The following VSIG1 variants were observed in gnomAD, a reference collection of about 807,000 sequenced individuals.
VSIG1 encodes the protein V-set and immunoglobulin domain-containing protein 1.
A neutral mutation model predicts 20.1 loss-of-function variants in VSIG1; 11 were observed. That is an observed-to-expected ratio of 0.55 (90% CI 0.34 to 0.91). VSIG1 has a LOEUF of 0.91. Ranked by LOEUF, VSIG1 falls within the 40% of genes least tolerant of loss-of-function variation. The probability of loss-of-function intolerance (pLI) is 0.02; values close to 1 mark genes in which losing one functional copy is unlikely to be tolerated. For synonymous variants in VSIG1, 126 were observed against 116.7 expected (o/e 1.08, Z -0.52); for missense variants, 283 against 298.8 (o/e 0.95, Z 0.39).
At chrX:108,046,374 A>G (rs2030578368) in intron 1 of VSIG1, among the ~76,000 whole-genome samples, 1 of 111,317 alleles carries the variant, frequency 9.0e-6, no homozygotes, top group South Asian at 3.8e-4. Context: ...AGGCATATTC[A>G]TTTAAATGTA....
At chrX:108,052,929 C>T (rs2030815915) in intron 1 of VSIG1, among the ~76,000 whole-genome samples, 1 of 109,083 alleles carries the variant, frequency 9.2e-6, no homozygotes, top group Admixed American at 9.7e-5. Context: ...GCTTGTTTGT[C>T]CCCTCCCCCC....
upstream of VSIG1, among the ~76,000 whole-genome samples, chrX:108,044,785 C>T (rs1213613139): frequency 4.5e-5 from 5 of 111,887 alleles, no homozygotes; most frequent in Non-Finnish European, 9.4e-5. Flanking sequence ...CTCTTCCAAC[C>T]ATATCCCCCA....
At chrX:108,058,733 A>C (rs1483561695) in intron 2 of VSIG1, among the ~76,000 whole-genome samples, 1 of 111,648 alleles carries the variant, frequency 9.0e-6, no homozygotes, top group Non-Finnish European at 1.9e-5. Flanking sequence ...CAAGAACAGC[A>C]TGAGGATAGA....
chrX:108,030,402 T>C, the VSIG1 span, among the ~76,000 whole-genome samples: 22 of 112,033 alleles, frequency 2.0e-4, no homozygotes, highest in African/African-American at 5.2e-4. Context: ...ACAGGACTTA[T>C]CTGACCCAAT....
At chrX:108,058,452 A>G (rs762269565) in intron 2 of VSIG1, among the ~76,000 whole-genome samples, 1 of 111,670 alleles carries the variant, frequency 9.0e-6, no homozygotes, top group Non-Finnish European at 1.9e-5. Context: ...TGGATCATGT[A>G]TTTTAGAGAA....
At chrX:108,071,955 T>TA (rs2147934051) in intron 3 of VSIG1, among the ~76,000 whole-genome samples, 1 of 109,620 alleles carries the variant, frequency 9.1e-6, no homozygotes, top group East Asian at 2.9e-4. Context: ...TTAAATATTT[T>TA]AAAAAGAATA....
At chrX:108,019,811 A>G in the VSIG1 span, among the ~76,000 whole-genome samples, 1 of 111,608 alleles carries the variant, frequency 9.0e-6, no homozygotes, top group East Asian at 2.8e-4. Context: ...CAATGCCTTC[A>G]CACAGTTTCC....
chrX:108,074,816 C>A (rs144256903), intron 5 of VSIG1, among the ~76,000 whole-genome samples: 1,216 of 111,287 alleles, frequency 0.011, 26 homozygotes, highest in African/African-American at 0.037. Flanking sequence ...AGGAGAGCAA[C>A]CAGGTCATGA....
upstream of VSIG1, among the ~76,000 whole-genome samples, chrX:108,040,680 T>C (rs938450323): frequency 6.6e-4 from 74 of 112,069 alleles, no homozygotes; most frequent in African/African-American, 2.1e-3. Context: ...AGAGAATGAT[T>C]AAATAAATTG....
At chrX:108,075,957 A>G in intron 5 of VSIG1, 120 bp from the exon 6 acceptor site, 1 of 894,302 alleles carries the variant, frequency 1.1e-6, no homozygotes, top group Non-Finnish European at 1.6e-6. Context: ...CCATTTCCCT[A>G]GCCTATACAA....
At chrX:108,039,387 G>A in the VSIG1 span, among the ~76,000 whole-genome samples, 1 of 110,601 alleles carries the variant, frequency 9.0e-6, no homozygotes, top group Non-Finnish European at 1.9e-5. Flanking sequence ...AGAGACGGGG[G>A]TTTCATCACG....
intron 1 of VSIG1, among the ~76,000 whole-genome samples, chrX:108,052,496 G>A (rs1466416806): frequency 9.1e-6 from 1 of 110,343 alleles, no homozygotes; most frequent in Non-Finnish European, 1.9e-5. Context: ...TGTGCCTGTG[G>A]TCCTAGCTAC....
the VSIG1 span, among the ~76,000 whole-genome samples, chrX:108,037,219 C>T: frequency 2.7e-5 from 3 of 112,180 alleles, no homozygotes; most frequent in East Asian, 8.4e-4. Context: ...ATATGTAATT[C>T]AGATTTTTAA....
intron 3 of VSIG1, among the ~76,000 whole-genome samples, chrX:108,072,254 T>C (rs968040418): frequency 9.1e-6 from 1 of 109,869 alleles, no homozygotes; most frequent in Non-Finnish European, 1.9e-5. Flanking sequence ...ATTTTAATAA[T>C]TTTTTTTGTG....
the VSIG1 span, among the ~76,000 whole-genome samples, chrX:108,024,258 T>C: frequency 9.0e-6 from 1 of 111,700 alleles, no homozygotes; most frequent in Non-Finnish European, 1.9e-5. Flanking sequence ...TTTCTGATAA[T>C]TCATTTTTAA....
chrX:108,054,886 T>C (rs1324260914), intron 1 of VSIG1, among the ~76,000 whole-genome samples: 3 of 107,887 alleles, frequency 2.8e-5, no homozygotes, highest in African/African-American at 1.0e-4. Flanking sequence ...GTCAATAACC[T>C]AAATTTCTAC....
At chrX:108,032,092 T>A in the VSIG1 span, among the ~76,000 whole-genome samples, 1 of 111,953 alleles carries the variant, frequency 8.9e-6, no homozygotes, top group Non-Finnish European at 1.9e-5. Flanking sequence ...CATCTTCTGT[T>A]ATTCAAGGGC....
the VSIG1 span, among the ~76,000 whole-genome samples, chrX:108,039,788 T>C: frequency 9.0e-6 from 1 of 110,907 alleles, no homozygotes; most frequent in East Asian, 2.8e-4. Flanking sequence ...GCTGACAAAT[T>C]GGATGTGTTA....
intron 2 of VSIG1, among the ~76,000 whole-genome samples, chrX:108,065,263 T>A (rs892443636): frequency 2.7e-5 from 3 of 111,705 alleles, no homozygotes; most frequent in Admixed American, 9.5e-5. Flanking sequence ...TTTATTGGCC[T>A]GTTAAGGTAA....
Sources: allele counts gnomAD v4.1 joint callset (sites outside exome capture counted in the v4.1 genomes callset), GRCh38; gene constraint gnomAD v4.1.1; transcripts MANE v1.5; gene names NCBI Gene and HGNC (gene_info 2026-07-23, HGNC 2026-07-21).